Variants in PHF14 observed in about 807,000 individuals in gnomAD.
PHF14 encodes PHD finger protein 14.
Under a neutral mutation model 117.9 loss-of-function variants are expected in PHF14, and 55 were observed. The observed-to-expected ratio is 0.47, with a 90% CI of 0.38 to 0.58. The LOEUF (loss-of-function observed/expected upper bound fraction) is 0.58. Among genes scored for constraint, PHF14 ranks in the 20% least tolerant of loss-of-function variants. The pLI, the probability that PHF14 is intolerant of heterozygous loss-of-function variation, is 0.00. For synonymous variants in PHF14, 409 were observed against 368.6 expected (o/e 1.11, Z -1.26); for missense variants, 978 against 1,122.2 (o/e 0.87, Z 1.84).
chr7:11,086,532 G>T (rs893063969), intron 16 of PHF14, among the ~76,000 whole-genome samples: 1 of 152,092 alleles, frequency 6.6e-6, no homozygotes, highest in Non-Finnish European at 1.5e-5. Context: ...GATTCTTAGT[G>T]TATAAGCACC....
At chr7:11,038,034 CA>C (rs1438565056) in intron 10 of PHF14, among the ~76,000 whole-genome samples, 1 of 151,938 alleles carries the variant, frequency 6.6e-6, no homozygotes, top group Non-Finnish European at 1.5e-5. Context: ...AAAATGCCAG[CA>C]GAAAACAAAA....
intron 7 of PHF14, among the ~76,000 whole-genome samples, chr7:11,031,872 G>C (rs1161708182): frequency 6.6e-6 from 1 of 152,182 alleles, no homozygotes; most frequent in South Asian, 2.1e-4. Flanking sequence ...TATAGTCCAA[G>C]TAAGCCATAT....
chr7:10,976,586 A>G (rs1781873698), intron 2 of PHF14, among the ~76,000 whole-genome samples: 1 of 152,092 alleles, frequency 6.6e-6, no homozygotes, highest in Non-Finnish European at 1.5e-5. Flanking sequence ...GTTCATTGAG[A>G]TGGAATATTC....
intron 12 of PHF14, among the ~76,000 whole-genome samples, 194 bp downstream of exon 12, chr7:11,040,969 C>G (rs117588474): frequency 1.6e-4 from 25 of 152,018 alleles, no homozygotes; most frequent in Non-Finnish European, 3.5e-4. Flanking sequence ...CTGTTTTAAC[C>G]TAAACTCTAT....
intron 17 of PHF14, among the ~76,000 whole-genome samples, chr7:11,160,569 A>G (rs1257984213): frequency 6.6e-6 from 1 of 152,088 alleles, no homozygotes; most frequent in Admixed American, 6.6e-5. Context: ...TTGTTTTTTG[A>G]CTTTTTAATA....
chr7:11,030,162 G>A (rs1224476992), intron 7 of PHF14, among the ~76,000 whole-genome samples: 1 of 150,736 alleles, frequency 6.6e-6, no homozygotes, highest in Non-Finnish European at 1.5e-5. Flanking sequence ...CAGCTACTAG[G>A]TAGACATAGA....
chr7:11,107,877 A>C (rs1440641927), intron 16 of PHF14: 2 of 320,614 alleles, frequency 6.2e-6, no homozygotes, highest in African/African-American at 4.5e-5. Flanking sequence ...AAATAAAGGT[A>C]GAAACCATAA....
chr7:11,034,197 G>A (rs1469159964), intron 7 of PHF14, among the ~76,000 whole-genome samples: 1 of 151,508 alleles, frequency 6.6e-6, no homozygotes, highest in African/African-American at 2.4e-5. Context: ...CCTCGGTAGT[G>A]TTGTCATTTC....
At chr7:11,042,917 A>G (rs917755106) in intron 13 of PHF14, 103 bp downstream of exon 13, 4 of 780,646 alleles carry the variant, frequency 5.1e-6, no homozygotes, top group South Asian at 1.9e-5. Flanking sequence ...TATTTGGCAC[A>G]TTTTAAAATT....
chr7:11,035,879 A>G, intron 8 of PHF14, 93 bp downstream of exon 8: 1 of 960,336 alleles, frequency 1.0e-6, no homozygotes, highest in South Asian at 1.8e-5. Flanking sequence ...TGTGACGTAT[A>G]ATAGGAAGTT....
At chr7:11,107,301 G>C (rs1295684589) in intron 16 of PHF14, 1 of 965,904 alleles carries the variant, frequency 1.0e-6, no homozygotes, top group Non-Finnish European at 1.2e-6. Flanking sequence ...CTTTGTTTAG[G>C]GTGCTATTCT....
intron 12 of PHF14, among the ~76,000 whole-genome samples, chr7:11,041,035 T>G (rs563897354): frequency 5.4e-4 from 82 of 152,106 alleles, no homozygotes; most frequent in African/African-American, 1.9e-3. Flanking sequence ...AACATTATAG[T>G]TATTGTCTTA....
chr7:11,153,618 A>G (rs969242287), intron 17 of PHF14, among the ~76,000 whole-genome samples: 1 of 152,190 alleles, frequency 6.6e-6, no homozygotes, highest in African/African-American at 2.4e-5. Context: ...ATCAAAGGAT[A>G]GCAGAGTTCT....
At chr7:11,065,375 CTTAT>C (rs1159561045) in intron 16 of PHF14, among the ~76,000 whole-genome samples, 5 of 151,928 alleles carry the variant, frequency 3.3e-5, no homozygotes, top group Non-Finnish European at 5.9e-5. Flanking sequence ...TTAGTGATAC[CTTAT>C]TTATTTTTGT....
At chr7:11,060,735 C>T (rs1377117017) in intron 14 of PHF14, among the ~76,000 whole-genome samples, 2 of 152,132 alleles carry the variant, frequency 1.3e-5, no homozygotes, top group Admixed American at 1.3e-4. Context: ...CTTCAGTTTT[C>T]TGCCTAATTA....
At chr7:10,993,092 C>T (rs1186176042) in intron 4 of PHF14, among the ~76,000 whole-genome samples, 1 of 152,078 alleles carries the variant, frequency 6.6e-6, no homozygotes, top group Non-Finnish European at 1.5e-5. Context: ...ATTACTATTA[C>T]TTTTTTTCTC....
intron 17 of PHF14, among the ~76,000 whole-genome samples, chr7:11,129,287 A>G (rs917252600): frequency 6.6e-6 from 1 of 152,126 alleles, no homozygotes; most frequent in Non-Finnish European, 1.5e-5. Flanking sequence ...TCTGGCAGCC[A>G]TGACCCAAAT....
At chr7:11,073,461 A>G (rs914057446) in intron 16 of PHF14, among the ~76,000 whole-genome samples, 2 of 152,180 alleles carry the variant, frequency 1.3e-5, no homozygotes, top group Non-Finnish European at 2.9e-5. Context: ...CACTAGTACA[A>G]TGGGTGGGCT....
chr7:11,002,634 G>T (rs931175643), intron 4 of PHF14, among the ~76,000 whole-genome samples: 4 of 151,870 alleles, frequency 2.6e-5, no homozygotes, highest in African/African-American at 4.8e-5. Context: ...TTAGAGACGG[G>T]ATTTCTCCAT....
Sources: gnomAD v4.1 joint callset for allele counts (sites outside exome capture counted in the v4.1 genomes callset) on GRCh38, gnomAD v4.1.1 for gene constraint, MANE v1.5 for transcripts, NCBI Gene and HGNC (gene_info 2026-07-23, HGNC 2026-07-21) for gene names.